Variants in SRCAP observed in about 807,000 individuals in gnomAD.
SRCAP encodes the protein Snf2 related CREBBP activator protein, also known as chromatin remodeling protein SRCAP.
SRCAP carries 46 observed loss-of-function variants against 263.1 expected under a neutral mutation model. The observed-to-expected ratio is 0.17, with a 90% CI of 0.14 to 0.22. SRCAP has a LOEUF of 0.22. Among genes scored for constraint, SRCAP ranks in the 10% least tolerant of loss-of-function variants. The pLI, the probability that SRCAP is intolerant of heterozygous loss-of-function variation, is 1.00. For synonymous variants in SRCAP, 1,813 were observed against 1,662.1 expected (o/e 1.09, Z -2.21); for missense variants, 3,695 against 4,181.9 (o/e 0.88, Z 3.21).
Position 30,737,331 on chromosome 16 carries a change from C to A in SRCAP, c.7291C>A (p.Pro2431Thr), listed in dbSNP as rs1169955376. Residue 2431 changes from proline (P) to threonine (T), a missense_variant, in exon 34 of 34, where the codon CCT becomes ACT. Physicochemically the swap from Pro to Thr is conservative, Grantham distance 38 (BLOSUM62 -1). Around this residue, in one of 12 missense-constraint regions of SRCAP, gnomAD observed 1,207 missense variants for 1,142.9 expected, o/e 1.06. Transcript: ENST00000262518. ...RSTTTPPRCS[P>T]ARERVPRPAP... Reference sequence around the variant, plus strand: ...CACCACCACACCACCCCGCTGCAGTCCTGCCAGGGAGCGAGTTCCCAGGCC... The same window carrying A: ...CACCACCACACCACCCCGCTGCAGTACTGCCAGGGAGCGAGTTCCCAGGCC... The A allele has an allele frequency of 1.2e-6, 2 of 1,614,164 alleles. No individual in the cohort carries two copies. The highest frequency in any genetic ancestry group is 1.7e-6 in the Non-Finnish European group (2 of 1,180,034).
rs755397243 is a variant in SRCAP at position 30,710,837 on chromosome 16, C to G, written c.1218C>G (p.Asn406Lys). Residue 406 changes from asparagine to lysine, a missense_variant, in exon 9 of 34, where the codon AAC (asparagine) becomes AAG (lysine). Physicochemically the swap from Asn to Lys is moderately conservative, Grantham distance 94. This residue lies in a region of SRCAP where 288 missense variants were observed against 302.4 expected (regional missense o/e 0.95). Coordinates refer to ENST00000262518, the MANE Select transcript of SRCAP (RefSeq NM_006662.3). ...AAGATGATGAAGAGTTTACTGCCAA[C>G]GAAGAGGAAGGTCAGGGCTGTTCGG... The part of the protein sequence containing the change: ...PDEDDEEFTA[N>K]EEEAEDEEDT... 1.9e-6 allele frequency: 3 copies of G among 1,614,168 alleles called. No homozygotes were observed. In the Admixed American group the frequency reaches 5.0e-5, roughly 27 times the overall value.
At chr16:30,709,354 GC>G in intron 6 of SRCAP, among the ~76,000 whole-genome samples, 158 bp from the exon 7 acceptor site, 1 of 151,982 alleles carries the variant, frequency 6.6e-6, no homozygotes, top group South Asian at 2.1e-4. Flanking sequence ...CTCCCTTTGT[GC>G]TTCCTTTAGA....
intron 25 of SRCAP, among the ~76,000 whole-genome samples, chr16:30,728,642 A>G (rs2053084808): frequency 6.6e-6 from 1 of 152,132 alleles, no homozygotes; most frequent in South Asian, 2.1e-4. Context: ...CATTCTATAA[A>G]CTTGTTGGAA....
rs937273289 is a variant in SRCAP, at chr16:30,700,684, G to A, written c.-141G>A. The A allele has an allele frequency of 1.1e-5, 8 of 727,946 alleles. No homozygotes were observed. Among genetic ancestry groups the A allele is most frequent in the Admixed American group, 5.9e-5 (2 of 33,716 alleles). The allele number at this position is 727,946 out of a possible 1,614,324, so 45.1% of individuals were successfully genotyped here. On this transcript the variant is annotated 5_prime_UTR_variant, in exon 3 of 34. Coordinates refer to ENST00000262518, the MANE Select transcript of SRCAP (RefSeq NM_006662.3). The stretch of plus-strand genomic sequence containing the variant: ...TGGTGGGCCCCGGGCCCTGGAAGGC[G>A]GGTCCCGGTGGCCGGTGGCCCAGAA...
chr16:30,721,527 A>T, intron 21 of SRCAP, 51 bp downstream of exon 21: 1 of 1,572,984 alleles, frequency 6.4e-7, no homozygotes, highest in Admixed American at 1.7e-5. Context: ...AGGAAAGCTC[A>T]GGACCATGAG....
intron 4 of SRCAP, among the ~76,000 whole-genome samples, chr16:30,705,091 A>G (rs2052811869): frequency 6.6e-6 from 1 of 152,168 alleles, no homozygotes. Context: ...ACCTGAGGTC[A>G]GGAGTTCGAG....
intron 22 of SRCAP, 87 bp from the exon 23 acceptor site, chr16:30,722,476 T>C: frequency 6.5e-7 from 1 of 1,541,584 alleles, no homozygotes; most frequent in Non-Finnish European, 8.9e-7. Context: ...ATTCCCTCTC[T>C]GTTCTTTTCT....
intron 18 of SRCAP, among the ~76,000 whole-genome samples, chr16:30,717,262 G>T (rs1004509051): frequency 6.6e-6 from 1 of 152,092 alleles, no homozygotes; most frequent in Non-Finnish European, 1.5e-5. Flanking sequence ...TATTTTTGAA[G>T]AAATGTCTTT....
rs1253678038 is a variant in SRCAP, at chr16:30,736,398, A to G, written c.6924+4A>G. 3 of 1,605,028 alleles carry G rather than the reference A, an allele frequency of 1.9e-6. No homozygotes were observed. Among genetic ancestry groups the G allele is most frequent in the Non-Finnish European group, 2.6e-6 (3 of 1,173,520 alleles). Reference sequence around the variant, plus strand: ...AATTGCTGCCCTCGTAGAACAGGTCAGTGCTGGACCCACTAGTTCTTGACT... The same window carrying G: ...AATTGCTGCCCTCGTAGAACAGGTCGGTGCTGGACCCACTAGTTCTTGACT... On this transcript the variant is annotated splice_donor_region_variant and intron_variant, in intron 32 of 33. Transcript: ENST00000262518.
Position 30,723,876 on chromosome 16 carries a change from C to T in SRCAP, c.4452C>T (p.Val1484=), listed in dbSNP as rs946528135. The T allele has an allele frequency of 1.9e-6, 3 of 1,614,134 alleles. No individual in the cohort carries two copies. Among genetic ancestry groups the T allele is most frequent in the Admixed American group, 1.7e-5 (1 of 60,022 alleles). ...TSVTPPLAPV[V]PAAPGPPSLA... is the part of the protein sequence containing the mutation. Reference sequence around the variant, plus strand: ...TGACTCCACCATTGGCACCTGTTGTCCCAGCGGCTCCTGGACCTCCCTCCT... The same window carrying T: ...TGACTCCACCATTGGCACCTGTTGTTCCAGCGGCTCCTGGACCTCCCTCCT... Residue 1484 remains valine (V), a synonymous_variant, in exon 25 of 34, where the codon GTC becomes GTT. Coordinates refer to ENST00000262518, the MANE Select transcript of SRCAP (RefSeq NM_006662.3).
At chr16:30,730,539 C>A (rs1437280038) in intron 27 of SRCAP, among the ~76,000 whole-genome samples, 1 of 152,100 alleles carries the variant, frequency 6.6e-6, no homozygotes, top group African/African-American at 2.4e-5. Flanking sequence ...TCAAGCGATT[C>A]TCCTGCTTCA....
chr16:30,714,063 A>G (rs1236023576), intron 16 of SRCAP, among the ~76,000 whole-genome samples: 10 of 145,124 alleles, frequency 6.9e-5, no homozygotes, highest in Non-Finnish European at 3.0e-5. Context: ...AAGCCTGGCT[A>G]ATTTTTTTTT....
At position 30,709,721 on chromosome 16, in the gene SRCAP, G is replaced by A. The variant is rs752331510; in HGVS notation, c.842G>A (p.Arg281His). 1.3e-5 allele frequency: 21 copies of A among 1,613,964 alleles called. No homozygotes were observed. The highest frequency in any genetic ancestry group is 6.7e-5 in the African/African-American group (5 of 74,874). Residue 281 changes from arginine (R) to histidine (H), a missense_variant, in exon 7 of 34, where the codon CGC becomes CAC. Around this residue, in one of 12 missense-constraint regions of SRCAP, gnomAD observed 44 missense variants for 42.9 expected, o/e 1.03. Coordinates refer to ENST00000262518, the MANE Select transcript of SRCAP (RefSeq NM_006662.3). The part of the protein sequence containing the change: ...AASSPPPPAS[R>H]LDDEDGDFQP... ...TCCAGTCCTCCACCCCCTGCTTCTC[G>A]CCTGGATGATGAAGGTGTGTGTTCT...
chr16:30,703,920 T>C (rs2052796697), intron 3 of SRCAP, 144 bp from the exon 4 acceptor site: 7 of 1,019,148 alleles, frequency 6.9e-6, no homozygotes, highest in Non-Finnish European at 9.7e-6. Flanking sequence ...AAAAACTTTA[T>C]CCCGAACGTT....
At chr16:30,719,744 G>A (rs1048033568) in intron 18 of SRCAP, among the ~76,000 whole-genome samples, 3 of 152,028 alleles carry the variant, frequency 2.0e-5, no homozygotes, top group Admixed American at 1.3e-4. Context: ...AAATTCCTGG[G>A]GTCACACAGT....
intron 27 of SRCAP, among the ~76,000 whole-genome samples, chr16:30,729,838 G>A (rs2053096734): frequency 6.6e-6 from 1 of 152,172 alleles, no homozygotes. Flanking sequence ...CAGTGGTGCA[G>A]TCTCAGCTCA....
Position 30,713,392 on chromosome 16 carries a change from G to A in SRCAP, c.2300+15G>A. Reference sequence around the variant, plus strand: ...AACTTCAACAGGTGGAGATGGAGATGGGGATTCATGGGAGGGTTGACTTGG... The same window carrying A: ...AACTTCAACAGGTGGAGATGGAGATAGGGATTCATGGGAGGGTTGACTTGG... On this transcript the variant is annotated intron_variant, in intron 15 of 33. Transcript: ENST00000262518. The A allele has an allele frequency of 6.2e-7, 1 of 1,613,958 alleles. No individual in the cohort carries two copies. Among genetic ancestry groups the A allele is most frequent in the South Asian group, 1.1e-5 (1 of 91,080 alleles).
chr16:30,718,963 C>T lies in SRCAP; in HGVS notation c.2818-1199C>T, dbSNP rs1249056481. On this transcript the variant is annotated intron_variant, in intron 18 of 33. Transcript: ENST00000262518. ...CCAGGCTGGAGTACAATGGTGCAGTCTCAGCGCATTGCAACCTCTGCGTCT... is the reference window on the plus strand; with the variant it reads ...CCAGGCTGGAGTACAATGGTGCAGTTTCAGCGCATTGCAACCTCTGCGTCT... Among the ~76,000 whole-genome samples, 4 of 150,824 alleles carry T rather than the reference C, an allele frequency of 2.7e-5. No individual in the cohort carries two copies. The East Asian group carries it at 7.8e-4, about 29-fold the overall frequency.
At chr16:30,722,851 T>C (rs2053025181) in intron 23 of SRCAP, 103 bp downstream of exon 23, 1 of 1,544,264 alleles carries the variant, frequency 6.5e-7, no homozygotes, top group African/African-American at 1.4e-5. Context: ...TGTTTTCCCT[T>C]GCGAATATCT....
Sources: allele counts gnomAD v4.1 joint callset (sites outside exome capture counted in the v4.1 genomes callset), GRCh38; gene constraint gnomAD v4.1.1; regional missense constraint gnomAD v4.1.1; transcripts MANE v1.5; gene names NCBI Gene and HGNC (gene_info 2026-07-23, HGNC 2026-07-21).